Variants in WDR70 observed in about 807,000 individuals in gnomAD.
The protein encoded by WDR70 is WD repeat-containing protein 70.
Under a neutral mutation model 88.6 loss-of-function variants are expected in WDR70, and 53 were observed. That is an observed-to-expected ratio of 0.60 (90% CI 0.48 to 0.75). The LOEUF (loss-of-function observed/expected upper bound fraction) is 0.75, where lower values mean the gene tolerates loss of function less well. WDR70 is among the 30% of genes least tolerant of loss of function. The pLI, the probability that WDR70 is intolerant of heterozygous loss-of-function variation, is 0.00. For synonymous variants in WDR70, 280 were observed against 270.0 expected, an observed-to-expected ratio of 1.04 and a Z score of -0.36; for missense variants, 610 against 823.2, an observed-to-expected ratio of 0.74 and a Z score of 3.17.
chr5:37,501,581 G>A (rs1030534724), intron 8 of WDR70, among the ~76,000 whole-genome samples: 2 of 152,096 alleles, frequency 1.3e-5, no homozygotes, highest in Non-Finnish European at 2.9e-5. Context: ...AAGCCATTCC[G>A]GGCCATGGTT....
In WDR70 at chr5:37,721,227, G is replaced by C; in HGVS notation, c.1517+12G>C. 5.0e-6 allele frequency: 8 copies of C among 1,611,334 alleles called. No individual in the cohort carries two copies. Among genetic ancestry groups the C allele is most frequent in the Non-Finnish European group, 6.8e-6 (8 of 1,177,712 alleles). The stretch of plus-strand genomic sequence containing the variant: ...AACAAGAGTCAGAGGTATTTCATAA[G>C]TATTGCCTGTTTTAGATGGATGACA... On this transcript the variant is annotated intron_variant, in intron 14 of 17. Transcript: ENST00000265107.
chr5:37,479,536 A>C (rs1739592050), intron 7 of WDR70: 1 of 201,586 alleles, frequency 5.0e-6, no homozygotes. Flanking sequence ...TGCCTGGCTA[A>C]GTTTTTGTAT....
intron 5 of WDR70, among the ~76,000 whole-genome samples, chr5:37,411,941 T>A (rs1407574937): frequency 1.3e-5 from 2 of 151,986 alleles, no homozygotes; most frequent in Non-Finnish European, 2.9e-5. Flanking sequence ...TTCTTTTTGA[T>A]AAACTTTTTT....
At chr5:37,420,060 A>G (rs1749897544) in intron 5 of WDR70, among the ~76,000 whole-genome samples, 2 of 151,916 alleles carry the variant, frequency 1.3e-5, no homozygotes, top group African/African-American at 4.8e-5. Flanking sequence ...TTCTACCTTA[A>G]CAGCTAAAGA....
chr5:37,411,201 G>T (rs553440590), intron 5 of WDR70, among the ~76,000 whole-genome samples: 2 of 152,264 alleles, frequency 1.3e-5, no homozygotes, highest in South Asian at 4.1e-4. Context: ...GCCTCAAGCC[G>T]CTTTCCTGTC....
chr5:37,413,165 A>T (rs911914193), intron 5 of WDR70, among the ~76,000 whole-genome samples: 21 of 152,154 alleles, frequency 1.4e-4, no homozygotes, highest in African/African-American at 4.8e-4. Context: ...TATGTTCCTT[A>T]GGGTTTCGAA....
At chr5:37,710,411 C>T (rs1747474824) in intron 13 of WDR70, among the ~76,000 whole-genome samples, 1 of 152,076 alleles carries the variant, frequency 6.6e-6, no homozygotes, top group African/African-American at 2.4e-5. Flanking sequence ...CTGATGTGTT[C>T]TCCATAATTA....
At chr5:37,390,082 TTATTGA>T (rs59105026) in intron 3 of WDR70, among the ~76,000 whole-genome samples, 19,246 of 152,016 alleles carry the variant, frequency 0.13, 3,989 homozygotes, top group African/African-American at 0.43. Flanking sequence ...TTATCTCAGG[TTATTGA>T]GGATGGTGGC....
intron 5 of WDR70, among the ~76,000 whole-genome samples, chr5:37,427,492 A>G (rs78293085): frequency 0.013 from 2,021 of 152,284 alleles, 43 homozygotes; most frequent in African/African-American, 0.045. Context: ...GTACACACAC[A>G]TGCATAAACA....
chr5:37,523,926 G>C (rs1741177635), intron 9 of WDR70, among the ~76,000 whole-genome samples: 1 of 152,134 alleles, frequency 6.6e-6, no homozygotes, highest in African/African-American at 2.4e-5. Context: ...GAGACGTTTA[G>C]AGAAAAAAGA....
intron 9 of WDR70, among the ~76,000 whole-genome samples, chr5:37,587,687 T>G (rs1743401351): frequency 6.6e-6 from 1 of 152,132 alleles, no homozygotes; most frequent in Admixed American, 6.5e-5. Flanking sequence ...AGTATTTAAT[T>G]TATATTTGTT....
At chr5:37,745,916 C>G (rs1277220954) in intron 17 of WDR70, among the ~76,000 whole-genome samples, 1 of 152,140 alleles carries the variant, frequency 6.6e-6, no homozygotes, top group East Asian at 1.9e-4. Flanking sequence ...AGCTCTCGAT[C>G]AAATGGACCT....
Position 37,729,666 on chromosome 5 carries a change from T to A in WDR70, c.1877+2621T>A, listed in dbSNP as rs559009704. On this transcript the variant is annotated intron_variant, in intron 17 of 17. Transcript: ENST00000265107. ...GTCTTTAGCCTTAAAGTATACTTTC[T>A]TCACCACCCCAGTGATTGTGGCTGT... Among the ~76,000 whole-genome samples the A allele has an allele frequency of 7.2e-4, 110 of 152,348 alleles. 1 individual carries two copies. In the South Asian group the frequency reaches 0.022, roughly 31 times the overall value.
chr5:37,507,628 A>G (rs1740602568), intron 8 of WDR70, among the ~76,000 whole-genome samples: 1 of 152,154 alleles, frequency 6.6e-6, no homozygotes, highest in African/African-American at 2.4e-5. Context: ...TGGAGAATTG[A>G]TGTTTTCAGT....
At chr5:37,716,888 C>T (rs1016526345) in intron 13 of WDR70, among the ~76,000 whole-genome samples, 5 of 151,906 alleles carry the variant, frequency 3.3e-5, no homozygotes, top group Non-Finnish European at 5.9e-5. Flanking sequence ...TTCCAAAATT[C>T]CTATTTTGGA....
At chr5:37,591,042 A>G (rs991693143) in intron 9 of WDR70, among the ~76,000 whole-genome samples, 2 of 152,216 alleles carry the variant, frequency 1.3e-5, no homozygotes, top group Non-Finnish European at 2.9e-5. Flanking sequence ...TGTATTGATG[A>G]TTAAAAAAGG....
chr5:37,416,484 CAGAGGGAGATCGTGGAAAGAGAGGG>C (rs1749756103), intron 5 of WDR70, among the ~76,000 whole-genome samples: 1 of 150,674 alleles, frequency 6.6e-6, no homozygotes, highest in Non-Finnish European at 1.5e-5. Context: ...GGCTCGGCAT[CAGAGGGAGATCGTGGAAAGAGAGGG>C]AGAGGGAGAT....
At chr5:37,534,580 C>T (rs561176710) in intron 9 of WDR70, among the ~76,000 whole-genome samples, 21 of 150,298 alleles carry the variant, frequency 1.4e-4, no homozygotes, top group Non-Finnish European at 2.9e-4. Context: ...TCACTGCAAC[C>T]TCCGCCCCCT....
chr5:37,546,228 C>T (rs182965847), intron 9 of WDR70, among the ~76,000 whole-genome samples: 1 of 148,450 alleles, frequency 6.7e-6, no homozygotes, highest in East Asian at 1.9e-4. Flanking sequence ...ATATATAAAA[C>T]TTGACCTCAT....
Sources: allele counts gnomAD v4.1 joint callset (sites outside exome capture counted in the v4.1 genomes callset), GRCh38; gene constraint gnomAD v4.1.1; transcripts MANE v1.5; gene names NCBI Gene and HGNC (gene_info 2026-07-23, HGNC 2026-07-21).